The following ANGPT4 variants were observed in gnomAD, a reference collection of about 807,000 sequenced individuals.
The protein encoded by ANGPT4 is angiopoietin-4.
ANGPT4 carries 50 observed loss-of-function variants against 53.0 expected under a neutral mutation model. The observed-to-expected ratio is 0.94, with a 90% CI of 0.75 to 1.20. The LOEUF is 1.20. Among genes scored for constraint, ANGPT4 ranks in the 50% most tolerant of loss-of-function variants. The pLI is 0.00. For synonymous variants in ANGPT4, 251 were observed against 259.7 expected, an observed-to-expected ratio of 0.97 and a Z score of 0.32; for missense variants, 648 against 637.1, an observed-to-expected ratio of 1.02 and a Z score of -0.18.
chr20:881,909 G>A (rs1981424739), intron 4 of ANGPT4, among the ~76,000 whole-genome samples: 1 of 152,176 alleles, frequency 6.6e-6, no homozygotes, highest in African/African-American at 2.4e-5. Context: ...ACTGGGGCCT[G>A]AACTCCAGTG....
In ANGPT4 at chr20:908,674, C is replaced by T. The variant is rs13040505; in HGVS notation, c.309+7232G>A. The stretch of plus-strand genomic sequence containing the variant: ...CATGGCGCCTGGCGCATTGTAAGCC[C>T]TCAATAAACAGTGGTGGAAGGGACA... On this transcript the variant is annotated intron_variant, in intron 1 of 8. Coordinates refer to ENST00000381922, the MANE Select transcript of ANGPT4 (RefSeq NM_015985.4). The surrounding 1 kb of genome is among the most constrained non-coding windows in gnomAD (Gnocchi z 4.9). 6.6e-6 allele frequency among the ~76,000 whole-genome samples: 1 copy of T among 152,152 alleles called. No homozygotes were observed. The highest frequency in any genetic ancestry group is 1.5e-5 in the Non-Finnish European group (1 of 68,002).
intron 4 of ANGPT4, among the ~76,000 whole-genome samples, chr20:884,055 C>A (rs1017935435): frequency 1.2e-4 from 18 of 152,166 alleles, no homozygotes; most frequent in African/African-American, 4.3e-4. Flanking sequence ...GGCTTTCCAG[C>A]CTTCCACTAT....
At chr20:875,530 C>T (rs1981130488) in intron 7 of ANGPT4, among the ~76,000 whole-genome samples, 1 of 152,238 alleles carries the variant, frequency 6.6e-6, no homozygotes, top group African/African-American at 2.4e-5. Context: ...AGCTCTACCA[C>T]TTAGAGCTGC....
At chr20:901,134 C>T (rs1040839895) in intron 1 of ANGPT4, among the ~76,000 whole-genome samples, 3 of 152,172 alleles carry the variant, frequency 2.0e-5, no homozygotes, top group East Asian at 3.8e-4. Flanking sequence ...CAAAAATTTT[C>T]GCCACCCCAA....
chr20:896,076 C>G (rs991813847), intron 1 of ANGPT4, among the ~76,000 whole-genome samples: 1 of 152,154 alleles, frequency 6.6e-6, no homozygotes, highest in Non-Finnish European at 1.5e-5. Context: ...ACAACGCCCC[C>G]AACACAAGGT....
At chr20:915,791 C>T (rs1982906659) in intron 1 of ANGPT4, 115 bp downstream of exon 1, 14 of 1,328,670 alleles carry the variant, frequency 1.1e-5, no homozygotes, top group Non-Finnish European at 1.3e-5. Context: ...CTTTGTGCAG[C>T]TCAGAGACAG....
Position 908,053 on chromosome 20 carries a change from C to T in ANGPT4, c.309+7853G>A, listed in dbSNP as rs990390329. Among the ~76,000 whole-genome samples, 1 of 152,152 alleles carries T rather than the reference C, an allele frequency of 6.6e-6. No individual in the cohort carries two copies. Among genetic ancestry groups the T allele is most frequent in the Non-Finnish European group, 1.5e-5 (1 of 68,026 alleles). On this transcript the variant is annotated intron_variant, in intron 1 of 8. Transcript: ENST00000381922. This position sits in a 1 kb window ranked among gnomAD's most constrained non-coding sequence, Gnocchi z 4.9. ...AGCTCTTTCTATGTGCCTGTCTTGC[C>T]TTCTTGGTGGCTGAGGCTGATCCTG...
intron 1 of ANGPT4, among the ~76,000 whole-genome samples, chr20:906,925 G>T (rs1982497319): frequency 6.6e-6 from 1 of 152,246 alleles, no homozygotes; most frequent in African/African-American, 2.4e-5. Context: ...CTCAACCCTA[G>T]CTCAACCCTC....
chr20:890,892 C>T (rs753223204), intron 1 of ANGPT4, among the ~76,000 whole-genome samples: 18 of 152,236 alleles, frequency 1.2e-4, no homozygotes, highest in Non-Finnish European at 2.6e-4. Flanking sequence ...CTCCCCCAAC[C>T]CTGATCCGCA....
chr20:885,354 G>A lies in ANGPT4; in HGVS notation c.588-29C>T, dbSNP rs564934817. ...CGGGGTAGGGGGCGCACAGAGGTGA[G>A]CCTGGCATCCTCGCGAAGCACGCAC... On this transcript the variant is annotated intron_variant, in intron 3 of 8. Coordinates refer to ENST00000381922, the MANE Select transcript of ANGPT4 (RefSeq NM_015985.4). The A allele has an allele frequency of 1.6e-5, 25 of 1,528,048 alleles. No individual in the cohort carries two copies. The East Asian group carries it at 4.5e-4, about 27-fold the overall frequency. The allele number at this position is 1,528,048 out of a possible 1,614,324, so 94.7% of individuals were successfully genotyped here. A position where few individuals can be genotyped will look rare whatever the true frequency, so the allele number is the denominator to read the frequency against.
intron 1 of ANGPT4, among the ~76,000 whole-genome samples, chr20:897,145 C>G (rs537776116): frequency 6.6e-6 from 1 of 152,172 alleles, no homozygotes; most frequent in Non-Finnish European, 1.5e-5. Context: ...TCTCCTTTTT[C>G]AGACTCAGTC....
intron 1 of ANGPT4, among the ~76,000 whole-genome samples, chr20:904,904 T>C (rs983912624): frequency 6.6e-6 from 1 of 152,164 alleles, no homozygotes; most frequent in South Asian, 2.1e-4. Context: ...CCCAAAACAG[T>C]TGTGATTTTG....
chr20:874,521 C>T (rs1026752599), intron 7 of ANGPT4, 107 bp from the exon 8 acceptor site: 2 of 1,476,240 alleles, frequency 1.4e-6, no homozygotes. Flanking sequence ...GGCTTCCCCT[C>T]CAGGTGTTCT....
Position 872,508 on chromosome 20 carries a change from C to G in ANGPT4, c.*452G>C, listed in dbSNP as rs1448036977. On this transcript the variant is annotated 3_prime_UTR_variant, in exon 9 of 9. Transcript: ENST00000381922. ...AAGAAAGTTCAAGGACATCTCAAGA[C>G]TAGAAAATCTTGGAACAGGAGCTTA... 6.3e-6 allele frequency: 1 copy of G among 158,264 alleles called. No individual in the cohort carries two copies. Among genetic ancestry groups the G allele is most frequent in the Admixed American group, 6.1e-5 (1 of 16,430 alleles). 9.8% of individuals were successfully genotyped at this position (158,264 alleles called of 1,614,324 possible). A position where few individuals can be genotyped will look rare whatever the true frequency, so the allele number is the denominator to read the frequency against.
At chr20:902,407 T>C (rs1260143424) in intron 1 of ANGPT4, among the ~76,000 whole-genome samples, 1 of 152,030 alleles carries the variant, frequency 6.6e-6, no homozygotes, top group Admixed American at 6.5e-5. Context: ...TGGTAGTGAG[T>C]ATATGCCACA....
chr20:884,514 G>A (rs770606003), intron 4 of ANGPT4, among the ~76,000 whole-genome samples: 34 of 152,360 alleles, frequency 2.2e-4, no homozygotes, highest in African/African-American at 6.0e-4. Flanking sequence ...CAAGTAGGCC[G>A]TGTTAGAAGG....
rs146601570 is a variant in ANGPT4 at position 908,417 on chromosome 20, C to G, written c.309+7489G>C. ...ATGCTTTTGCTTCCTTTCCCTGTCT[C>G]GCCACTGCCAACCCAGCCTTTAGAT... On this transcript the variant is annotated intron_variant, in intron 1 of 8. Transcript: ENST00000381922. The surrounding 1 kb of genome is among the most constrained non-coding windows in gnomAD (Gnocchi z 4.9). Among the ~76,000 whole-genome samples the G allele has an allele frequency of 2.0e-5, 3 of 152,198 alleles. No homozygotes were observed. Among genetic ancestry groups the G allele is most frequent in the African/African-American group, 4.8e-5 (2 of 41,442 alleles).
At chr20:879,725 C>T in intron 6 of ANGPT4, 22 bp downstream of exon 6, 2 of 1,605,210 alleles carry the variant, frequency 1.2e-6, no homozygotes, top group Non-Finnish European at 1.7e-6. Flanking sequence ...AGAATGGCCC[C>T]TCCCCAAGGC....
At chr20:887,459 C>T (rs1422576574) in intron 3 of ANGPT4, among the ~76,000 whole-genome samples, 3 of 152,124 alleles carry the variant, frequency 2.0e-5, no homozygotes, top group East Asian at 1.9e-4. Flanking sequence ...TATCCTGAAC[C>T]GGCATGTGAA....
Sources: gnomAD v4.1 joint callset for allele counts (sites outside exome capture counted in the v4.1 genomes callset) on GRCh38, gnomAD v4.1.1 for gene constraint, Gnocchi (gnomAD v3.1) non-coding constraint, MANE v1.5 for transcripts, NCBI Gene and HGNC (gene_info 2026-07-23, HGNC 2026-07-21) for gene names.